Variants in TMEM181 observed in about 807,000 individuals in gnomAD.
TMEM181 encodes G protein-coupled receptor 178.
In TMEM181, 39 loss-of-function variants were observed where a neutral mutation model predicts 71.9. The observed-to-expected ratio is 0.54, with a 90% confidence interval of 0.42 to 0.71. TMEM181 has a LOEUF of 0.71. Ranked by LOEUF, TMEM181 falls within the 30% of genes least tolerant of loss-of-function variation. The probability of loss-of-function intolerance (pLI) is 0.00; values close to 1 mark genes in which losing one functional copy is unlikely to be tolerated. For synonymous variants in TMEM181, 245 were observed against 228.8 expected (o/e 1.07, Z -0.64); for missense variants, 595 against 583.0 (o/e 1.02, Z -0.21).
At chr6:158,584,753 C>T (rs1783671546) in intron 4 of TMEM181, among the ~76,000 whole-genome samples, 1 of 152,126 alleles carries the variant, frequency 6.6e-6, no homozygotes. Context: ...AAAATTATCC[C>T]CTCTTTGTAA....
intron 1 of TMEM181, among the ~76,000 whole-genome samples, chr6:158,540,290 A>C (rs925699462): frequency 2.6e-5 from 4 of 152,238 alleles, no homozygotes; most frequent in Non-Finnish European, 4.4e-5. Context: ...TGCTATAATC[A>C]TTATGGAAAA....
chr6:158,587,198 CT>C, intron 5 of TMEM181, among the ~76,000 whole-genome samples: 1 of 152,322 alleles, frequency 6.6e-6, no homozygotes, highest in Non-Finnish European at 1.5e-5. Flanking sequence ...GTGGGTTGCC[CT>C]ACCTAAAGCC....
At chr6:158,596,953 G>C (rs964996360) in intron 6 of TMEM181, among the ~76,000 whole-genome samples, 1 of 152,148 alleles carries the variant, frequency 6.6e-6, no homozygotes, top group Admixed American at 6.6e-5. Context: ...ATTTGGGTGG[G>C]GGCACAGCTA....
At chr6:158,571,616 G>A (rs186980322) in intron 1 of TMEM181, among the ~76,000 whole-genome samples, 14 of 152,354 alleles carry the variant, frequency 9.2e-5, no homozygotes, top group African/African-American at 3.4e-4. Flanking sequence ...TGTTAATAAC[G>A]TATTAAACAC....
At chr6:158,557,156 C>T (rs1050312009), upstream of TMEM181, among the ~76,000 whole-genome samples, 2 of 152,164 alleles carry the variant, frequency 1.3e-5, no homozygotes, top group African/African-American at 4.8e-5. Flanking sequence ...AGGCAGACTG[C>T]TTGAGCCCAG....
chr6:158,578,980 C>T (rs1424553578), intron 2 of TMEM181, among the ~76,000 whole-genome samples: 11 of 152,008 alleles, frequency 7.2e-5, no homozygotes, highest in African/African-American at 7.2e-5. Flanking sequence ...GGGTCTTGGC[C>T]GGGCATGGTG....
chr6:158,580,166 A>C (rs1292767582), intron 2 of TMEM181, among the ~76,000 whole-genome samples: 1 of 152,140 alleles, frequency 6.6e-6, no homozygotes, highest in Non-Finnish European at 1.5e-5. Context: ...CCCTGTCTCT[A>C]CTAAAAATAA....
intron 2 of TMEM181, among the ~76,000 whole-genome samples, chr6:158,575,730 T>C (rs756251591): frequency 3.9e-5 from 6 of 152,212 alleles, no homozygotes; most frequent in Admixed American, 2.0e-4. Flanking sequence ...AGGGACCTCA[T>C]TGTGGACACA....
intron 12 of TMEM181, 23 bp from the exon 13 acceptor site, chr6:158,625,671 CAGAGTTGTT>C (rs773431411): frequency 5.1e-6 from 8 of 1,573,002 alleles, no homozygotes; most frequent in Non-Finnish European, 6.9e-6. Flanking sequence ...AATTTACTTC[CAGAGTTGTT>C]AATGAGTTTC....
chr6:158,553,445 C>T (rs1781778495), intron 1 of TMEM181, among the ~76,000 whole-genome samples: 1 of 152,170 alleles, frequency 6.6e-6, no homozygotes, highest in South Asian at 2.1e-4. Context: ...ATCAGGTGTT[C>T]ACCTAAGAAC....
At chr6:158,590,895 T>C (rs773561410) in intron 6 of TMEM181, among the ~76,000 whole-genome samples, 3 of 152,242 alleles carry the variant, frequency 2.0e-5, no homozygotes, top group Non-Finnish European at 4.4e-5. Context: ...ATCACTAACG[T>C]TCTCTCTGTC....
intron 5 of TMEM181, among the ~76,000 whole-genome samples, chr6:158,588,471 C>T (rs761157073): frequency 2.0e-5 from 3 of 152,148 alleles, no homozygotes; most frequent in African/African-American, 4.8e-5. Flanking sequence ...GTTTTTGAGA[C>T]GGAGCTTTGC....
chr6:158,580,369 A>G (rs2128298569), intron 2 of TMEM181, among the ~76,000 whole-genome samples: 1 of 152,318 alleles, frequency 6.6e-6, no homozygotes, highest in South Asian at 2.1e-4. Context: ...GTAGGAAAAA[A>G]AATGGTTAAG....
chr6:158,596,367 G>A (rs1784391732), intron 6 of TMEM181, among the ~76,000 whole-genome samples: 1 of 152,206 alleles, frequency 6.6e-6, no homozygotes, highest in Non-Finnish European at 1.5e-5. Flanking sequence ...GTGGCTGGCT[G>A]TACTGACACA....
At chr6:158,552,441 C>T (rs915721518) in intron 1 of TMEM181, among the ~76,000 whole-genome samples, 2 of 152,112 alleles carry the variant, frequency 1.3e-5, no homozygotes, top group African/African-American at 2.4e-5. Context: ...ATACATTGAG[C>T]GAGGAATACA....
chr6:158,562,977 C>A (rs1480882436), intron 1 of TMEM181, among the ~76,000 whole-genome samples: 1 of 152,210 alleles, frequency 6.6e-6, no homozygotes, highest in African/African-American at 2.4e-5. Context: ...CCCTGGGCCA[C>A]CTGGCTCTAG....
intron 2 of TMEM181, among the ~76,000 whole-genome samples, chr6:158,579,263 A>AT (rs1783334866): frequency 8.0e-6 from 1 of 124,426 alleles, no homozygotes; most frequent in Non-Finnish European, 1.8e-5. Context: ...CCGTCTCAAA[A>AT]TTAAAAAAAA....
chr6:158,563,610 C>T (rs1331525844), intron 1 of TMEM181, among the ~76,000 whole-genome samples: 4 of 152,232 alleles, frequency 2.6e-5, no homozygotes, highest in Admixed American at 2.0e-4. Context: ...CACTGGCCAG[C>T]GTTTGACCTA....
At chr6:158,610,695 C>T (rs4709236) in intron 10 of TMEM181, 175,271 of 285,122 alleles carry the variant, frequency 0.61, 55,183 homozygotes, top group African/African-American at 0.79. Context: ...TCTCTGGAGA[C>T]GTTATGGGCG....
Sources: allele counts gnomAD v4.1 joint callset (sites outside exome capture counted in the v4.1 genomes callset), GRCh38; gene constraint gnomAD v4.1.1; transcripts MANE v1.5; gene names NCBI Gene and HGNC (gene_info 2026-07-23, HGNC 2026-07-21).